The following CDKAL1 variants were observed in gnomAD, a reference collection of about 807,000 sequenced individuals.
CDKAL1 encodes threonylcarbamoyladenosine tRNA methylthiotransferase.
A neutral mutation model predicts 68.2 loss-of-function variants in CDKAL1; 32 were observed. The ratio of observed to expected loss-of-function variants is 0.47; its 90% CI spans 0.35 to 0.63. CDKAL1 has a LOEUF of 0.63. Among genes scored for constraint, CDKAL1 ranks in the 30% least tolerant of loss-of-function variants. CDKAL1 has a pLI of 0.00. For synonymous variants in CDKAL1, 234 were observed against 244.3 expected (o/e 0.96, Z 0.39); for missense variants, 606 against 696.7 (o/e 0.87, Z 1.47).
intron 13 of CDKAL1, among the ~76,000 whole-genome samples, chr6:21,127,431 G>T (rs1775072141): frequency 6.6e-6 from 1 of 152,224 alleles, no homozygotes; most frequent in Admixed American, 6.5e-5. Context: ...GCCAGAAAAA[G>T]GTGTAATATG....
intron 4 of CDKAL1, among the ~76,000 whole-genome samples, chr6:20,617,292 C>T (rs955632884): frequency 6.6e-6 from 1 of 151,984 alleles, no homozygotes; most frequent in African/African-American, 2.4e-5. Context: ...CCTAGGGGGC[C>T]ACTTAATGAG....
At chr6:20,672,252 TTCTTTC>T (rs371510799) in intron 5 of CDKAL1, among the ~76,000 whole-genome samples, 4,723 of 129,936 alleles carry the variant, frequency 0.036, 114 homozygotes, top group Middle Eastern at 0.053. Context: ...CTTTCTTTCT[TTCTTTC>T]TTTCTTTTTC....
chr6:20,779,629 G>A (rs901563405), intron 7 of CDKAL1, among the ~76,000 whole-genome samples: 1 of 152,242 alleles, frequency 6.6e-6, no homozygotes, highest in African/African-American at 2.4e-5. Flanking sequence ...GTGTCACCCA[G>A]GTTGTAGCGC....
rs536303514 is a variant in CDKAL1, at chr6:20,844,363, G to T, written c.639-1712G>T. 2.6e-5 allele frequency among the ~76,000 whole-genome samples: 4 copies of T among 152,162 alleles called. No homozygotes were observed. The South Asian group carries it at 6.2e-4, about 24-fold the overall frequency. ...TGTTTATGCAGCTAAGATGTTTGGC[G>T]CTCAGTTCTTGTGGGAGGGGGCAGC... On this transcript the variant is annotated intron_variant, in intron 8 of 15. Coordinates refer to ENST00000274695, the MANE Select transcript of CDKAL1 (RefSeq NM_017774.3).
intron 8 of CDKAL1, among the ~76,000 whole-genome samples, chr6:20,838,464 C>G (rs1220390268): frequency 6.6e-6 from 1 of 152,228 alleles, no homozygotes; most frequent in African/African-American, 2.4e-5. Context: ...TAATTTTTGT[C>G]TGCTGTCATT....
At chr6:20,935,431 C>CTTT (rs147959758) in intron 9 of CDKAL1, among the ~76,000 whole-genome samples, 3 of 143,158 alleles carry the variant, frequency 2.1e-5, no homozygotes, top group Admixed American at 7.0e-5. Flanking sequence ...GAAAATTAGA[C>CTTT]TTTTTTTTTT....
intron 5 of CDKAL1, among the ~76,000 whole-genome samples, chr6:20,721,920 A>G (rs1410960552): frequency 6.6e-6 from 1 of 151,642 alleles, no homozygotes; most frequent in Non-Finnish European, 1.5e-5. Context: ...TTTAGTAGAG[A>G]TGGGATTTCA....
intron 4 of CDKAL1, among the ~76,000 whole-genome samples, chr6:20,643,376 A>G (rs1768280307): frequency 6.6e-6 from 1 of 152,214 alleles, no homozygotes; most frequent in Non-Finnish European, 1.5e-5. Flanking sequence ...GTGTGTTTGT[A>G]TATTTATTTT....
intron 4 of CDKAL1, among the ~76,000 whole-genome samples, chr6:20,628,894 G>A (rs1425844536): frequency 6.6e-6 from 1 of 151,792 alleles, no homozygotes; most frequent in Non-Finnish European, 1.5e-5. Flanking sequence ...TCATTTGATA[G>A]TGAGCTGTTT....
At chr6:21,018,443 A>G (rs1469158174) in intron 11 of CDKAL1, among the ~76,000 whole-genome samples, 1 of 152,114 alleles carries the variant, frequency 6.6e-6, no homozygotes, top group Non-Finnish European at 1.5e-5. Flanking sequence ...GAGTGCTAAT[A>G]CCGAAGTTGA....
chr6:21,161,405 T>G (rs1471763324), intron 13 of CDKAL1, among the ~76,000 whole-genome samples: 1 of 152,212 alleles, frequency 6.6e-6, no homozygotes, highest in East Asian at 1.9e-4. Context: ...GAATGGTAGT[T>G]CCTTTGTAGA....
At chr6:20,592,055 G>A (rs144132875) in intron 4 of CDKAL1, among the ~76,000 whole-genome samples, 10,500 of 152,122 alleles carry the variant, frequency 0.069, 523 homozygotes, top group African/African-American at 0.14. Context: ...CTTGAGCAGC[G>A]GTTTGTAGTT....
At chr6:20,752,826 A>C (rs1048687862) in intron 6 of CDKAL1, among the ~76,000 whole-genome samples, 6 of 152,142 alleles carry the variant, frequency 3.9e-5, no homozygotes, top group Admixed American at 3.3e-4. Context: ...GATATTGCCA[A>C]TTGTTTCAAT....
At chr6:21,047,211 A>T (rs1189225289) in intron 11 of CDKAL1, among the ~76,000 whole-genome samples, 2 of 152,058 alleles carry the variant, frequency 1.3e-5, no homozygotes, top group African/African-American at 4.8e-5. Context: ...TTACTGAGCC[A>T]GGGAAAGAGA....
chr6:20,667,512 T>C (rs1029913199), intron 5 of CDKAL1, among the ~76,000 whole-genome samples: 3 of 152,132 alleles, frequency 2.0e-5, no homozygotes, highest in African/African-American at 7.2e-5. Context: ...AAGCAAACTT[T>C]GCTATCTGAG....
Position 20,781,284 on chromosome 6 carries a change from T to TG in CDKAL1, c.638+20dup. On this transcript the variant is annotated intron_variant, in intron 8 of 15. Coordinates refer to ENST00000274695, the MANE Select transcript of CDKAL1 (RefSeq NM_017774.3). ...ATACCGGGTAAGCATCTCTCAAACT[T>TG]GCTCATAAAATATTCAATATATTTC... 1 of 1,594,336 alleles carries TG rather than the reference T, an allele frequency of 6.3e-7. No individual in the cohort carries two copies. The highest frequency in any genetic ancestry group is 1.1e-5 in the South Asian group (1 of 87,618).
At chr6:20,968,560 G>A (rs908216718) in intron 10 of CDKAL1, among the ~76,000 whole-genome samples, 1 of 151,964 alleles carries the variant, frequency 6.6e-6, no homozygotes, top group African/African-American at 2.4e-5. Context: ...TTATGTGTTT[G>A]TTGGTGTGCT....
chr6:20,602,317 T>G (rs903462084), intron 4 of CDKAL1, among the ~76,000 whole-genome samples: 2 of 152,194 alleles, frequency 1.3e-5, no homozygotes, highest in African/African-American at 4.8e-5. Flanking sequence ...AGCTCTCATG[T>G]CCAGTGACTA....
At chr6:20,794,909 A>G (rs991831824) in intron 8 of CDKAL1, among the ~76,000 whole-genome samples, 1 of 152,150 alleles carries the variant, frequency 6.6e-6, no homozygotes, top group Admixed American at 6.6e-5. Flanking sequence ...GTATTGAAAT[A>G]TATGTAGGTC....
Sources: gnomAD v4.1 joint callset for allele counts (sites outside exome capture counted in the v4.1 genomes callset) on GRCh38, gnomAD v4.1.1 for gene constraint, MANE v1.5 for transcripts, NCBI Gene and HGNC (gene_info 2026-07-23, HGNC 2026-07-21) for gene names.